Variants in FNDC1 observed in about 807,000 individuals in gnomAD.
FNDC1 encodes fibronectin type III domain-containing protein 1.
A neutral mutation model predicts 168.0 loss-of-function variants in FNDC1; 96 were observed. The observed-to-expected ratio is 0.57, with a 90% CI of 0.48 to 0.68. The LOEUF is 0.68. FNDC1 is among the 30% of genes least tolerant of loss of function. The pLI is 0.00. For missense variants in FNDC1, 2,587 were observed against 2,482.1 expected, an observed-to-expected ratio of 1.04 and a Z score of -0.90; for synonymous variants, 1,099 against 1,025.9, an observed-to-expected ratio of 1.07 and a Z score of -1.36.
chr6:159,174,577 T>C (rs983984314), intron 1 of FNDC1, among the ~76,000 whole-genome samples: 3 of 152,272 alleles, frequency 2.0e-5, no homozygotes, highest in Non-Finnish European at 2.9e-5. Context: ...TTATCTGCCT[T>C]GTTTCTCCCT....
chr6:159,225,375 C>CTCT (rs1782930440), intron 7 of FNDC1, among the ~76,000 whole-genome samples, 160 bp from the exon 8 acceptor site: 2 of 152,206 alleles, frequency 1.3e-5, no homozygotes, highest in African/African-American at 4.8e-5. Context: ...TTGCTTGGAA[C>CTCT]TTTGAGCCAA....
rs62432292 is a variant in FNDC1, at chr6:159,220,596, T to A, written c.668-1002T>A. On this transcript the variant is annotated intron_variant, in intron 5 of 22. Transcript: ENST00000297267. ...GGGCTTTATGTTCTTATTTGTAAGATAAGAAGGTCAAATAAAAAATAAAAA... is the reference window on the plus strand; with the variant it reads ...GGGCTTTATGTTCTTATTTGTAAGAAAAGAAGGTCAAATAAAAAATAAAAA... Among the ~76,000 whole-genome samples the A allele has an allele frequency of 8.0e-3, 1,216 of 152,294 alleles. 11 individuals carry two copies. Among genetic ancestry groups the A allele is most frequent in the Non-Finnish European group, 0.011 (736 of 68,012 alleles).
intron 21 of FNDC1, 43 bp from the exon 22 acceptor site, chr6:159,267,761 C>T (rs1777619699): frequency 6.2e-7 from 1 of 1,609,352 alleles, no homozygotes; most frequent in Non-Finnish European, 8.5e-7. Context: ...CCAGTTGTGA[C>T]TTTCTGTACC....
intron 1 of FNDC1, among the ~76,000 whole-genome samples, chr6:159,182,497 C>T (rs897061945): frequency 6.6e-6 from 1 of 152,092 alleles, no homozygotes; most frequent in East Asian, 1.9e-4. Context: ...ATACTCTGTT[C>T]TCTGATTATC....
intron 14 of FNDC1, 24 bp from the exon 15 acceptor site, chr6:159,246,877 G>T (rs367907422): frequency 9.5e-6 from 15 of 1,573,170 alleles, no homozygotes; most frequent in Admixed American, 1.7e-5. Context: ...CTGGATGACT[G>T]GTCCTTTTCT....
chr6:159,230,167 A>G (rs1308728010), intron 10 of FNDC1, among the ~76,000 whole-genome samples, 164 bp downstream of exon 10: 2 of 152,162 alleles, frequency 1.3e-5, no homozygotes, highest in African/African-American at 4.8e-5. Context: ...TCCTTTAGAA[A>G]TTAGTCTTCT....
chr6:159,231,995 G>C lies in FNDC1; in HGVS notation c.1483G>C (p.Ala495Pro). 1.2e-6 allele frequency: 2 copies of C among 1,613,934 alleles called. No individual in the cohort carries two copies. The highest frequency in any genetic ancestry group is 1.7e-6 in the Non-Finnish European group (2 of 1,179,880). ...TTCCTCCCAACACCCCTCTGTGCCT[G>C]CTTCTCCCCAAGGGAGAAATGCCAA... is the stretch of plus-strand genomic sequence containing the variant. ...PASSQHPSVP[A>P]SPQGRNAKDL... is the part of the protein sequence containing the mutation. The change falls in exon 11 of 23, where the codon GCT (alanine) becomes CCT (proline). Residue 495 changes from alanine (A) to proline (P), a missense_variant. Physicochemically the swap from Ala to Pro is conservative, Grantham distance 27. Coordinates refer to ENST00000297267, the MANE Select transcript of FNDC1 (RefSeq NM_032532.3).
intron 4 of FNDC1, among the ~76,000 whole-genome samples, chr6:159,201,649 A>G (rs1782381467): frequency 6.6e-6 from 1 of 152,218 alleles, no homozygotes; most frequent in Admixed American, 6.5e-5. Flanking sequence ...GCCAGGAATC[A>G]AACCATGGAA....
At chr6:159,217,160 A>C (rs1191396453) in intron 5 of FNDC1, among the ~76,000 whole-genome samples, 2 of 152,222 alleles carry the variant, frequency 1.3e-5, no homozygotes, top group Non-Finnish European at 2.9e-5. Flanking sequence ...GGGCAGTGTG[A>C]CTGAGATGGA....
At chr6:159,247,929 G>C (rs549703471) in intron 15 of FNDC1, among the ~76,000 whole-genome samples, 3 of 152,098 alleles carry the variant, frequency 2.0e-5, no homozygotes. Flanking sequence ...ACCCAGTGCC[G>C]GCCTTTGACA....
intron 4 of FNDC1, 150 bp downstream of exon 4, chr6:159,200,731 CTG>C: frequency 1.6e-6 from 1 of 636,848 alleles, no homozygotes; most frequent in South Asian, 2.0e-5. Context: ...CTTGGTCAAT[CTG>C]TTCTGCATCC....
At chr6:159,230,987 T>C (rs567835297) in intron 10 of FNDC1, among the ~76,000 whole-genome samples, 1 of 152,322 alleles carries the variant, frequency 6.6e-6, no homozygotes, top group East Asian at 1.9e-4. Context: ...TTTAGAATTA[T>C]AAATGTGTCC....
chr6:159,174,228 C>T (rs1055269841), intron 1 of FNDC1, among the ~76,000 whole-genome samples: 1 of 152,198 alleles, frequency 6.6e-6, no homozygotes, highest in Non-Finnish European at 1.5e-5. Context: ...AGAGCTGGGT[C>T]GCTGGGGGAC....
chr6:159,250,025 C>T (rs958664384), intron 16 of FNDC1, among the ~76,000 whole-genome samples: 2 of 152,224 alleles, frequency 1.3e-5, no homozygotes, highest in African/African-American at 4.8e-5. Flanking sequence ...ATGCAGCTGC[C>T]AGGCTGCGTT....
At chr6:159,246,293 A>G (rs1777121291) in intron 14 of FNDC1, among the ~76,000 whole-genome samples, 1 of 152,212 alleles carries the variant, frequency 6.6e-6, no homozygotes, top group Non-Finnish European at 1.5e-5. Context: ...GGAACTCAGT[A>G]GGAAGTGGAG....
intron 14 of FNDC1, among the ~76,000 whole-genome samples, chr6:159,246,601 G>T (rs959945198): frequency 6.6e-6 from 1 of 152,220 alleles, no homozygotes; most frequent in Admixed American, 6.5e-5. Context: ...GAGGTGGTGG[G>T]AGGGAGGTGA....
intron 9 of FNDC1, among the ~76,000 whole-genome samples, 184 bp downstream of exon 9, chr6:159,226,764 A>C (rs1782962833): frequency 6.6e-6 from 1 of 152,188 alleles, no homozygotes; most frequent in African/African-American, 2.4e-5. Context: ...CACGAAAGTG[A>C]CTATTCTTTT....
At chr6:159,252,034 G>A (rs570282983) in intron 17 of FNDC1, among the ~76,000 whole-genome samples, 42 of 152,260 alleles carry the variant, frequency 2.8e-4, no homozygotes, top group African/African-American at 1.0e-3. Flanking sequence ...GGTGCTTCCA[G>A]ACAAATCTGG....
At chr6:159,236,632 AG>A (rs1263940314) in intron 12 of FNDC1, among the ~76,000 whole-genome samples, 1 of 152,242 alleles carries the variant, frequency 6.6e-6, no homozygotes, top group East Asian at 1.9e-4. Flanking sequence ...GGCCGTTCAA[AG>A]GAACTTATAT....
Sources: allele counts gnomAD v4.1 joint callset (sites outside exome capture counted in the v4.1 genomes callset), GRCh38; gene constraint gnomAD v4.1.1; transcripts MANE v1.5; gene names NCBI Gene and HGNC (gene_info 2026-07-23, HGNC 2026-07-21).